Variants in CCDC3 observed in about 807,000 individuals in gnomAD.
CCDC3 encodes the protein coiled-coil domain containing 3.
A neutral mutation model predicts 21.4 loss-of-function variants in CCDC3; 24 were observed. The observed-to-expected ratio is 1.12, with a 90% CI of 0.81 to 1.58. CCDC3 has a LOEUF of 1.58. Among genes scored for constraint, CCDC3 ranks in the 40% most tolerant of loss-of-function variants. CCDC3 has a pLI of 0.00. For missense variants in CCDC3, 425 were observed against 360.9 expected (o/e 1.18, Z -1.44); for synonymous variants, 186 against 166.0 (o/e 1.12, Z -0.93).
intron 4 of CCDC3, among the ~76,000 whole-genome samples, chr10:13,071,300 C>G (rs913774902): frequency 2.0e-5 from 3 of 152,102 alleles, no homozygotes; most frequent in Admixed American, 2.0e-4. Context: ...CACGCAACCC[C>G]CCCTCAAGAC....
intron 5 of CCDC3, among the ~76,000 whole-genome samples, chr10:13,042,478 A>C (rs1836470243): frequency 6.6e-6 from 1 of 152,236 alleles, no homozygotes. Flanking sequence ...GCAATGTGGG[A>C]CTAGCTCAAA....
intron 5 of CCDC3, among the ~76,000 whole-genome samples, chr10:13,047,156 A>G (rs1387788726): frequency 6.6e-6 from 1 of 152,028 alleles, no homozygotes; most frequent in African/African-American, 2.4e-5. Flanking sequence ...CAGAACAATT[A>G]TAGGAAAGAA....
At chr10:13,071,845 A>G (rs1836885856) in intron 4 of CCDC3, among the ~76,000 whole-genome samples, 1 of 151,718 alleles carries the variant, frequency 6.6e-6, no homozygotes, top group Non-Finnish European at 1.5e-5. Context: ...TCTAAAAAAC[A>G]CCTTCTTTTT....
chr10:12,969,294 G>T (rs1301187610), intron 2 of CCDC3, among the ~76,000 whole-genome samples: 3 of 152,068 alleles, frequency 2.0e-5, no homozygotes, highest in African/African-American at 7.2e-5. Flanking sequence ...TAATAAAAAA[G>T]ACAAGCAATA....
intron 2 of CCDC3, among the ~76,000 whole-genome samples, chr10:12,949,034 G>T (rs983561422): frequency 6.6e-6 from 1 of 151,988 alleles, no homozygotes; most frequent in Non-Finnish European, 1.5e-5. Flanking sequence ...GACATTATGG[G>T]GATACCTACA....
At chr10:13,000,922 C>A (rs1835839460) in intron 1 of CCDC3, among the ~76,000 whole-genome samples, 1 of 152,186 alleles carries the variant, frequency 6.6e-6, no homozygotes, top group African/African-American at 2.4e-5. Flanking sequence ...TGTTGGAGGG[C>A]GCTTTGAGCT....
At chr10:12,950,160 C>T (rs1477095643) in intron 2 of CCDC3, among the ~76,000 whole-genome samples, 1 of 152,180 alleles carries the variant, frequency 6.6e-6, no homozygotes, top group African/African-American at 2.4e-5. Flanking sequence ...CAATCCAGAC[C>T]ACATGGGTCC....
At position 12,950,258 on chromosome 10, in the gene CCDC3, T is replaced by C. The variant is rs149829093; in HGVS notation, c.549+48080A>G. ...CTGCCTGCTGGAGCTTAATAATTAT[T>C]GAATGCATGAATAACTACACATGAC... On this transcript the variant is annotated intron_variant, in intron 2 of 2. Coordinates refer to ENST00000378825, the MANE Select transcript of CCDC3 (RefSeq NM_031455.4). Among the ~76,000 whole-genome samples the C allele has an allele frequency of 5.5e-3, 837 of 152,298 alleles. 6 individuals are homozygous for C. The highest frequency in any genetic ancestry group is 0.019 in the African/African-American group (781 of 41,562).
chr10:12,967,473 T>C (rs1387309292), intron 2 of CCDC3, among the ~76,000 whole-genome samples: 1 of 152,120 alleles, frequency 6.6e-6, no homozygotes, highest in Non-Finnish European at 1.5e-5. Context: ...TTAATAGATA[T>C]TACAATTATT....
chr10:13,012,977 T>G (rs912535504), intron 5 of CCDC3, among the ~76,000 whole-genome samples: 3 of 152,230 alleles, frequency 2.0e-5, no homozygotes, highest in Admixed American at 6.5e-5. Flanking sequence ...AAGAAAAACT[T>G]AAAATTTTTA....
intron 4 of CCDC3, among the ~76,000 whole-genome samples, chr10:13,051,761 G>T (rs138645272): frequency 6.6e-6 from 1 of 152,166 alleles, no homozygotes; most frequent in Admixed American, 6.5e-5. Context: ...GAGAATCAGC[G>T]TCCCAGACCC....
At chr10:12,919,896 G>A (rs1268046342) in intron 2 of CCDC3, among the ~76,000 whole-genome samples, 2 of 152,172 alleles carry the variant, frequency 1.3e-5, no homozygotes, top group African/African-American at 2.4e-5. Context: ...GAGAGAGGGA[G>A]TTTGACCAGG....
chr10:12,935,854 C>T (rs905319184), intron 2 of CCDC3, among the ~76,000 whole-genome samples: 2 of 152,006 alleles, frequency 1.3e-5, no homozygotes, highest in Non-Finnish European at 2.9e-5. Flanking sequence ...TTTCAAGTAA[C>T]ACTACACTGC....
intron 2 of CCDC3, among the ~76,000 whole-genome samples, chr10:12,978,120 G>C (rs1201612399): frequency 6.6e-6 from 1 of 152,006 alleles, no homozygotes; most frequent in Non-Finnish European, 1.5e-5. Context: ...CCAGGTTCAA[G>C]TGATTCTCCT....
chr10:12,971,256 G>A (rs998229738), intron 2 of CCDC3, among the ~76,000 whole-genome samples: 4 of 152,094 alleles, frequency 2.6e-5, no homozygotes, highest in African/African-American at 9.7e-5. Context: ...CCAATGCCTG[G>A]GGCATCGTGC....
At position 12,998,474 on chromosome 10, in the gene CCDC3, T is replaced by C. The variant is rs1482239097; in HGVS notation, c.413A>G (p.Asn138Ser). ...GTCTGGGAAGATGGCATCTTGGAAA[T>C]TGACTCCGTGAGGCAAGAGGTTATA... ...ENYNLLPHGV[N>S]FQDAIFPDTQ... is the part of the protein sequence containing the mutation. The change falls in exon 2 of 3, where the codon AAT (asparagine) becomes AGT (serine). Residue 138 changes from asparagine (N) to serine (S), a missense_variant. Transcript: ENST00000378825. The C allele has an allele frequency of 6.2e-6, 10 of 1,613,982 alleles. No homozygotes were observed. The highest frequency in any genetic ancestry group is 1.3e-5 in the African/African-American group (1 of 74,898).
chr10:13,086,693 G>A (rs750415983), intron 3 of CCDC3, among the ~76,000 whole-genome samples: 46 of 152,154 alleles, frequency 3.0e-4, no homozygotes, highest in Non-Finnish European at 5.9e-5. Context: ...TGACCCGCCT[G>A]CCTCAGCCTC....
At chr10:13,018,295 C>A (rs1836095875) in intron 5 of CCDC3, among the ~76,000 whole-genome samples, 1 of 151,966 alleles carries the variant, frequency 6.6e-6, no homozygotes, top group Admixed American at 6.6e-5. Context: ...GGGGAGTCTT[C>A]CTGCTGAAGG....
intron 3 of CCDC3, among the ~76,000 whole-genome samples, chr10:13,097,637 T>C (rs150948162): frequency 0.012 from 1,753 of 152,228 alleles, 30 homozygotes; most frequent in East Asian, 0.063. Flanking sequence ...GGCAGGAGAA[T>C]CACTCAAACC....
Sources: allele counts gnomAD v4.1 joint callset (sites outside exome capture counted in the v4.1 genomes callset), GRCh38; gene constraint gnomAD v4.1.1; transcripts MANE v1.5; gene names NCBI Gene and HGNC (gene_info 2026-07-23, HGNC 2026-07-21).